The following MTSS1 variants were observed in gnomAD, a reference collection of about 807,000 sequenced individuals.
MTSS1 encodes protein MTSS 1.
A neutral mutation model predicts 79.0 loss-of-function variants in MTSS1; 18 were observed. The ratio of observed to expected loss-of-function variants is 0.23; its 90% CI spans 0.16 to 0.34. MTSS1 has a LOEUF of 0.34. Among genes scored for constraint, MTSS1 ranks in the 10% least tolerant of loss-of-function variants. MTSS1 has a pLI of 1.00. For synonymous variants in MTSS1, 341 were observed against 368.6 expected (o/e 0.93, Z 0.86); for missense variants, 815 against 986.2 (o/e 0.83, Z 2.33).
chr8:124,643,496 G>A (rs1020870624), intron 3 of MTSS1, among the ~76,000 whole-genome samples: 6 of 151,944 alleles, frequency 3.9e-5, no homozygotes, highest in Admixed American at 2.6e-4. Context: ...TCAGGAGTTC[G>A]AAACCAGCCT....
At chr8:124,658,053 T>C (rs753126683) in intron 3 of MTSS1, among the ~76,000 whole-genome samples, 1 of 152,210 alleles carries the variant, frequency 6.6e-6, no homozygotes, top group Non-Finnish European at 1.5e-5. Context: ...AGAAAGCAGC[T>C]GTCTACAAAC....
Position 124,572,343 on chromosome 8 carries a change from C to T in MTSS1, c.461-3807G>A, listed in dbSNP as rs938027758. Among the ~76,000 whole-genome samples the T allele has an allele frequency of 3.3e-5, 5 of 151,266 alleles. No individual in the cohort carries two copies. In the East Asian group the frequency reaches 7.8e-4, roughly 23 times the overall value. ...AACTACAATGTTTATTTATTAAATT[C>T]ACTAATACAACATGTAATTATATTT... On this transcript the variant is annotated intron_variant, in intron 6 of 13. Transcript: ENST00000518547.
At chr8:124,637,714 C>G (rs1030274538) in intron 3 of MTSS1, among the ~76,000 whole-genome samples, 9 of 152,330 alleles carry the variant, frequency 5.9e-5, no homozygotes, top group East Asian at 3.9e-4. Flanking sequence ...GATTCTCCCC[C>G]CAAAGCAGCA....
intron 1 of MTSS1, among the ~76,000 whole-genome samples, chr8:124,711,981 C>A (rs900771790): frequency 2.0e-5 from 3 of 150,416 alleles, no homozygotes; most frequent in African/African-American, 4.9e-5. Flanking sequence ...GCACTCCAGC[C>A]TAGGTGACAG....
At chr8:124,601,927 G>A (rs1273180898) in intron 3 of MTSS1, among the ~76,000 whole-genome samples, 1 of 152,084 alleles carries the variant, frequency 6.6e-6, no homozygotes, top group East Asian at 1.9e-4. Context: ...AGGAAAGTAA[G>A]AGTGTTTCCA....
chr8:124,728,013 G>T lies in MTSS1; in HGVS notation c.-58C>A. 1 of 1,493,432 alleles carries T rather than the reference G, an allele frequency of 6.7e-7. No homozygotes were observed. Among genetic ancestry groups the T allele is most frequent in the East Asian group, 2.4e-5 (1 of 42,438 alleles). 92.5% of individuals were successfully genotyped at this position (1,493,432 alleles called of 1,614,324 possible). On this transcript the variant is annotated 5_prime_UTR_variant, in exon 1 of 14. Transcript: ENST00000518547. This position sits in a 1 kb window ranked among gnomAD's most constrained non-coding sequence, Gnocchi z 6.1. ...GCGGGGCCGCTGGACTGCGCGCGGG[G>T]CCGGGGCTCGCTCACCCCAGAAGGA...
At chr8:124,611,428 A>G (rs1835796071) in intron 3 of MTSS1, among the ~76,000 whole-genome samples, 1 of 152,106 alleles carries the variant, frequency 6.6e-6, no homozygotes. Flanking sequence ...GCCGACCTGA[A>G]CACACGACCT....
At position 124,683,072 on chromosome 8, in the gene MTSS1, A is replaced by AGTAC. The variant is rs1826386179; in HGVS notation, c.208+16450_208+16453dup. 6.6e-6 allele frequency among the ~76,000 whole-genome samples: 1 copy of AGTAC among 152,182 alleles called. No individual in the cohort carries two copies. On this transcript the variant is annotated intron_variant, in intron 3 of 13. Transcript: ENST00000518547. The surrounding 1 kb of genome is among the most constrained non-coding windows in gnomAD (Gnocchi z 4.5). ...ATGTTTCCTAAAGTAGTGAAATGAC[A>AGTAC]GTACATTCAACTATCTGGCCCCATT...
intron 3 of MTSS1, among the ~76,000 whole-genome samples, chr8:124,659,949 C>T (rs962217951): frequency 6.6e-6 from 1 of 152,212 alleles, no homozygotes; most frequent in Non-Finnish European, 1.5e-5. Flanking sequence ...CTCTCTCTTA[C>T]TCCTAAAACC....
At chr8:124,672,836 CACAT>C (rs1428494607) in intron 3 of MTSS1, among the ~76,000 whole-genome samples, 1 of 151,754 alleles carries the variant, frequency 6.6e-6, no homozygotes, top group Non-Finnish European at 1.5e-5. Context: ...TGCACACACA[CACAT>C]GCATGCACAC....
intron 1 of MTSS1, among the ~76,000 whole-genome samples, chr8:124,713,698 A>G (rs1240375018): frequency 6.6e-6 from 1 of 151,930 alleles, no homozygotes; most frequent in Non-Finnish European, 1.5e-5. Flanking sequence ...AGCTGGGATT[A>G]CAGGTATGAG....
In MTSS1 at chr8:124,556,297, C is replaced by T. The variant is rs371399134; in HGVS notation, c.1339G>A (p.Gly447Ser). 3.1e-6 allele frequency: 5 copies of T among 1,614,196 alleles called. No individual in the cohort carries two copies. Among genetic ancestry groups the T allele is most frequent in the African/African-American group, 2.7e-5 (2 of 75,060 alleles). Residue 447 changes from glycine to serine, a missense_variant, in exon 12 of 14, where the codon GGC (glycine) becomes AGC (serine). By Grantham distance (56) the Gly-to-Ser change is moderately conservative (BLOSUM62 0). Transcript: ENST00000518547. ...GCCTCCTCAGCTGCTGCAGGTGGGCCGCTGGCGGTAGTGGGTCCTCCCCCG... is the reference window on the plus strand; with the variant it reads ...GCCTCCTCAGCTGCTGCAGGTGGGCTGCTGGCGGTAGTGGGTCCTCCCCCG... ...PNGGGPTTAS[G>S]PPAAAEEAQR...
chr8:124,636,825 G>A (rs913900330), intron 3 of MTSS1, among the ~76,000 whole-genome samples: 7 of 152,160 alleles, frequency 4.6e-5, no homozygotes, highest in East Asian at 1.9e-4. Context: ...GACCTTGCAC[G>A]ATGACCTTTG....
intron 6 of MTSS1, among the ~76,000 whole-genome samples, chr8:124,574,208 C>G (rs4641047): frequency 0.26 from 40,118 of 151,882 alleles, 5,774 homozygotes; most frequent in African/African-American, 0.36. Context: ...GCCTCCCAAA[C>G]TGCTGGGATC....
chr8:124,606,734 C>G (rs1019052970), intron 3 of MTSS1, among the ~76,000 whole-genome samples: 1 of 151,954 alleles, frequency 6.6e-6, no homozygotes, highest in Admixed American at 6.6e-5. Flanking sequence ...CAGCCAGATT[C>G]AAACCGTGCT....
chr8:124,641,635 G>A (rs373479540), intron 3 of MTSS1, among the ~76,000 whole-genome samples: 29 of 152,288 alleles, frequency 1.9e-4, no homozygotes, highest in Non-Finnish European at 2.6e-4. Flanking sequence ...CTGATGGCTG[G>A]ACAGAAAGAC....
intron 7 of MTSS1, chr8:124,567,793 A>T: frequency 6.5e-7 from 1 of 1,529,230 alleles, no homozygotes; most frequent in Non-Finnish European, 8.7e-7. Context: ...ACTCAAATTC[A>T]GACATTTTGC....
intron 3 of MTSS1, among the ~76,000 whole-genome samples, chr8:124,651,196 G>T (rs999733687): frequency 1.3e-5 from 2 of 152,044 alleles, no homozygotes; most frequent in Non-Finnish European, 2.9e-5. Context: ...CCTAAGAAAG[G>T]CCACCTCCTA....
intron 3 of MTSS1, among the ~76,000 whole-genome samples, chr8:124,612,074 TA>T (rs139016109): frequency 0.031 from 4,702 of 152,308 alleles, 229 homozygotes; most frequent in African/African-American, 0.11. Flanking sequence ...GGTACTTAAT[TA>T]GCAAACTTTA....
Sources: allele counts gnomAD v4.1 joint callset (sites outside exome capture counted in the v4.1 genomes callset), GRCh38; gene constraint gnomAD v4.1.1; non-coding constraint Gnocchi (gnomAD v3.1); transcripts MANE v1.5; gene names NCBI Gene and HGNC (gene_info 2026-07-23, HGNC 2026-07-21).